DACT2: variants seen among roughly 807,000 people sequenced by gnomAD.
DACT2 encodes the protein dishevelled binding antagonist of beta catenin 2.
Under a neutral mutation model 22.2 loss-of-function variants are expected in DACT2, and 20 were observed. The ratio of observed to expected loss-of-function variants is 0.90; its 90% CI spans 0.63 to 1.31. The LOEUF is 1.31. DACT2 is among the 50% of genes most tolerant of loss of function. The pLI is 0.00. For synonymous variants in DACT2, 463 were observed against 479.8 expected (o/e 0.96, Z 0.46); for missense variants, 1,048 against 1,061.4 (o/e 0.99, Z 0.18).
chr6:168,319,695 G>A lies in DACT2; in HGVS notation c.-62C>T, dbSNP rs1255527980. ...GCGGCGCCGGAGGCCCAGCGCGCGC[G>A]GATCCCGAGCTGTGTCGCGGGTCCT... On this transcript the variant is annotated 5_prime_UTR_variant, in exon 1 of 4. Transcript: ENST00000366795. The A allele has an allele frequency of 6.5e-5, 77 of 1,193,144 alleles. No individual in the cohort carries two copies. In the East Asian group the frequency reaches 2.5e-3, roughly 38 times the overall value. 73.9% of individuals were successfully genotyped at this position (1,193,144 alleles called of 1,614,324 possible). A position where few individuals can be genotyped will look rare whatever the true frequency, so the allele number is the denominator to read the frequency against.
chr6:168,311,597 T>TCACCCACAAACACACACACCCATACAC (rs1554271725), intron 1 of DACT2, among the ~76,000 whole-genome samples: 1 of 100,464 alleles, frequency 1.0e-5, no homozygotes, highest in African/African-American at 4.4e-5. Context: ...CACACACACA[T>TCACCCACAAACACACACACCCATACAC]ACACACACAC....
chr6:168,316,462 T>C (rs1779546477), intron 1 of DACT2, among the ~76,000 whole-genome samples: 1 of 81,284 alleles, frequency 1.2e-5, no homozygotes, highest in Non-Finnish European at 2.3e-5. Flanking sequence ...CACAACAGCA[T>C]CTCAGCAGCA....
chr6:168,311,509 TACACACACACAAAC>T (rs1779398486), intron 1 of DACT2, among the ~76,000 whole-genome samples: 1 of 116,190 alleles, frequency 8.6e-6, no homozygotes, highest in Non-Finnish European at 1.7e-5. Context: ...CCCACACACA[TACACACACACAAAC>T]ACACACACAC....
intron 1 of DACT2, among the ~76,000 whole-genome samples, chr6:168,318,738 C>T (rs1473270044): frequency 6.6e-6 from 1 of 152,010 alleles, no homozygotes; most frequent in East Asian, 1.9e-4. Flanking sequence ...CTGAAGAGGG[C>T]CCGTGGCAGG....
chr6:168,294,324 C>A, intron 4 of DACT2: 2 of 683,240 alleles, frequency 2.9e-6, no homozygotes, highest in Non-Finnish European at 2.7e-6. Context: ...GGGAAGAGGA[C>A]GGCCACGCTT....
chr6:168,313,333 G>A (rs1315112687), intron 1 of DACT2, among the ~76,000 whole-genome samples: 4 of 152,188 alleles, frequency 2.6e-5, no homozygotes, highest in Non-Finnish European at 5.9e-5. Context: ...ATGAGCCACC[G>A]CGCCCGGCCT....
chr6:168,311,136 C>G lies in DACT2; in HGVS notation c.379+16G>C. 1.3e-6 allele frequency: 2 copies of G among 1,512,442 alleles called. No individual in the cohort carries two copies. Among genetic ancestry groups the G allele is most frequent in the Non-Finnish European group, 1.8e-6 (2 of 1,124,320 alleles). The allele number at this position is 1,512,442 out of a possible 1,614,324, so 93.7% of individuals were successfully genotyped here. A position where few individuals can be genotyped will look rare whatever the true frequency, so the allele number is the denominator to read the frequency against. On this transcript the variant is annotated intron_variant, in intron 2 of 3. Transcript: ENST00000366795. ...GTGCCTGCCCCTGTGTCCGGGAGGTCAGGGCGCCCTGGTACCTGAGCTGGG... is the reference window on the plus strand; with the variant it reads ...GTGCCTGCCCCTGTGTCCGGGAGGTGAGGGCGCCCTGGTACCTGAGCTGGG...
At chr6:168,309,407 A>AGGGCCGTTTGCGTGTAGACACAGGGTGAG (rs1779332122) in intron 3 of DACT2, among the ~76,000 whole-genome samples, 1 of 66,704 alleles carries the variant, frequency 1.5e-5, no homozygotes, top group African/African-American at 6.0e-5. Flanking sequence ...GACACCGCAC[A>AGGGCCGTTTGCGTGTAGACACAGGGTGAG]GGGCCGTTTG....
Position 168,307,169 on chromosome 6 carries a change from G to A in DACT2, c.*263C>T, listed in dbSNP as rs1039689215. On this transcript the variant is annotated 3_prime_UTR_variant, in exon 4 of 4. Transcript: ENST00000366795. This position sits in a 1 kb window ranked among gnomAD's most constrained non-coding sequence, Gnocchi z 5.3. ...TGCATGCCGGGAAGCAGCATCCTGG[G>A]CAGACCTTGAAAAGAGACACTAGGT... is the stretch of plus-strand genomic sequence containing the variant. The A allele has an allele frequency of 5.3e-5, 71 of 1,330,544 alleles. No individual in the cohort carries two copies. Among genetic ancestry groups the A allele is most frequent in the African/African-American group, 1.2e-4 (8 of 66,760 alleles). The allele number at this position is 1,330,544 out of a possible 1,614,324, so 82.4% of individuals were successfully genotyped here.
Position 168,314,089 on chromosome 6 carries a change from G to A in DACT2, c.247-2805C>T, listed in dbSNP as rs950437241. On this transcript the variant is annotated intron_variant, in intron 1 of 3. Transcript: ENST00000366795. Reference sequence around the variant, plus strand: ...TTTCATTAACTCTTTCTTAGGGTCAGACATTGTGCTCACAGTCACAAAATA... The same window carrying A: ...TTTCATTAACTCTTTCTTAGGGTCAAACATTGTGCTCACAGTCACAAAATA... Among the ~76,000 whole-genome samples the A allele has an allele frequency of 2.0e-5, 3 of 152,196 alleles. No individual in the cohort carries two copies. The South Asian group carries it at 6.2e-4, about 31-fold the overall frequency.
Position 168,309,039 on chromosome 6 carries a change from C to T in DACT2, c.718G>A (p.Glu240Lys), listed in dbSNP as rs908568574. 11 of 1,543,900 alleles carry T rather than the reference C, an allele frequency of 7.1e-6. No individual in the cohort carries two copies. The highest frequency in any genetic ancestry group is 1.7e-4 in the Middle Eastern group (1 of 5,954). ...TGLQKASADA[E>K]LLGLLCQGVD... ...CCCTGGCAGAGGAGCCCGAGGAGCT[C>T]GGCGTCCGCGCTGGCTTTCTGGAGC... Residue 240 changes from glutamate to lysine, a missense_variant, in exon 4 of 4, where the codon GAG (glutamate) becomes AAG (lysine). Physicochemically the swap from Glu to Lys is moderately conservative, Grantham distance 56. Coordinates refer to ENST00000366795, the MANE Select transcript of DACT2 (RefSeq NM_214462.5).
rs746780026 is a variant in DACT2, at chr6:168,307,404, A to C, written c.*28T>G. The stretch of plus-strand genomic sequence containing the variant: ...CATGGAAAGGGCCCCTGTGTGCAGC[A>C]GGCTTCTCTTGACGCAGTCACTGCA... On this transcript the variant is annotated 3_prime_UTR_variant, in exon 4 of 4. Transcript: ENST00000366795. This position sits in a 1 kb window ranked among gnomAD's most constrained non-coding sequence, Gnocchi z 5.3. The C allele has an allele frequency of 6.0e-5, 93 of 1,550,544 alleles. No homozygotes were observed. The highest frequency in any genetic ancestry group is 7.8e-5 in the Non-Finnish European group (90 of 1,146,602).
intron 3 of DACT2, chr6:168,294,722 C>A: frequency 1.4e-6 from 2 of 1,405,552 alleles, no homozygotes; most frequent in South Asian, 1.5e-5. Flanking sequence ...GAACAAAATG[C>A]AAATGTGCGT....
chr6:168,310,429 C>T lies in DACT2; in HGVS notation c.397G>A (p.Asp133Asn), dbSNP rs1342485076. Residue 133 changes from aspartate (D) to asparagine (N), a missense_variant, in exon 3 of 4, where the codon GAC becomes AAC. By Grantham distance (23) the Asp-to-Asn change is conservative. Coordinates refer to ENST00000366795, the MANE Select transcript of DACT2 (RefSeq NM_214462.5). ...GTGGACAGGGAGCAGGATCCACCGT[C>T]GCTCATCTCGTAAAAGCCTGGACGG... ...RPSSGFYEMS[D>N]GGSCSLSTSC... 1.4e-5 allele frequency: 22 copies of T among 1,550,238 alleles called. No homozygotes were observed. Among genetic ancestry groups the T allele is most frequent in the Admixed American group, 9.9e-5 (5 of 50,600 alleles).
At chr6:168,299,006 G>T (rs996301653) in intron 3 of DACT2, 3 of 152,168 alleles carry the variant, frequency 2.0e-5, no homozygotes, top group African/African-American at 7.2e-5. Context: ...ATAAATAGTA[G>T]ATAGTAAATG....
At position 168,294,158 on chromosome 6, in the gene DACT2, C is replaced by A. The variant is rs756413911; in HGVS notation, c.770G>T (p.Gly257Val). 7.1e-6 allele frequency: 5 copies of A among 702,996 alleles called. 1 individual carries two copies. The South Asian group carries it at 7.4e-5, about 10-fold the overall frequency. The allele number at this position is 702,996 out of a possible 1,614,324, so 43.5% of individuals were successfully genotyped here. A position where few individuals can be genotyped will look rare whatever the true frequency, so the allele number is the denominator to read the frequency against. The change falls in exon 5 of 6, where the codon GGC (glycine) becomes GTC (valine). Residue 257 changes from glycine to valine, a missense_variant. Coordinates refer to the DACT2 transcript ENST00000366796. ...CACTGAGCAGAAAGGGAGCTGACAG[C>A]CACAGAGGCCACACTTTCCTCTCAA... is the stretch of plus-strand genomic sequence containing the variant.
chr6:168,305,968 G>A (rs1285904171), downstream of DACT2, among the ~76,000 whole-genome samples: 4 of 152,206 alleles, frequency 2.6e-5, no homozygotes, highest in Admixed American at 1.3e-4. Context: ...GGAAATGCTT[G>A]CATTTTCTCG....
At chr6:168,294,114 G>A (rs1055084359) in intron 5 of DACT2, 15 of 702,912 alleles carry the variant, frequency 2.1e-5, no homozygotes, top group Non-Finnish European at 3.9e-5. Flanking sequence ...CACACAGACA[G>A]TGAGCATGGA....
At chr6:168,293,577 T>C in exon 6 of DACT2, 1 of 345,000 alleles carries the variant, frequency 2.9e-6, no homozygotes, top group Non-Finnish European at 5.4e-6. Flanking sequence ...CCCCAGCACT[T>C]GCAGTCATGC....
Sources: gnomAD v4.1 joint callset for allele counts (sites outside exome capture counted in the v4.1 genomes callset) on GRCh38, gnomAD v4.1.1 for gene constraint, Gnocchi (gnomAD v3.1) non-coding constraint, MANE v1.5 for transcripts, NCBI Gene and HGNC (gene_info 2026-07-23, HGNC 2026-07-21) for gene names.